The following ZNF704 variants were observed in gnomAD, a reference collection of about 807,000 sequenced individuals.
ZNF704 encodes glucocorticoid induced gene 1.
A neutral mutation model predicts 44.7 loss-of-function variants in ZNF704; 10 were observed. The observed-to-expected ratio is 0.22, with a 90% CI of 0.14 to 0.38. ZNF704 has a LOEUF of 0.38. Among genes scored for constraint, ZNF704 ranks in the 10% least tolerant of loss-of-function variants. ZNF704 has a pLI of 1.00. For synonymous variants in ZNF704, 211 were observed against 207.6 expected (o/e 1.02, Z -0.14); for missense variants, 390 against 545.5 (o/e 0.71, Z 2.84).
chr8:80,797,364 G>A (rs190832597), intron 2 of ZNF704, among the ~76,000 whole-genome samples: 1 of 152,298 alleles, frequency 6.6e-6, no homozygotes, highest in Non-Finnish European at 1.5e-5. Context: ...GGGGCTCTCT[G>A]CAGTGGCTCC....
intron 2 of ZNF704, among the ~76,000 whole-genome samples, chr8:80,697,783 C>T (rs7817218): frequency 0.072 from 10,972 of 152,274 alleles, 1,336 homozygotes; most frequent in African/African-American, 0.25. Flanking sequence ...ACATCCATAG[C>T]GTGTGTCCTC....
intron 2 of ZNF704, among the ~76,000 whole-genome samples, chr8:80,753,785 C>A (rs1199509740): frequency 6.6e-6 from 1 of 152,142 alleles, no homozygotes; most frequent in Non-Finnish European, 1.5e-5. Context: ...CATGCAGTAA[C>A]CCCTGAGAAA....
rs139453932 is a variant in ZNF704, at chr8:80,755,907, ACCAGC to A, written c.222-62805_222-62801del. Among the ~76,000 whole-genome samples the A allele has an allele frequency of 4.6e-3, 700 of 152,126 alleles. 4 individuals carry two copies. The highest frequency in any genetic ancestry group is 0.015 in the African/African-American group (641 of 41,476). Reference sequence around the variant, plus strand: ...GATCACTTGAACTCAGAAGTTCAGTACCAGCCTGGGCAACACTCAAGACCCCATCT... The same window carrying A: ...GATCACTTGAACTCAGAAGTTCAGTACTGGGCAACACTCAAGACCCCATCT... On this transcript the variant is annotated intron_variant, in intron 2 of 8. Coordinates refer to ENST00000327835, the MANE Select transcript of ZNF704 (RefSeq NM_001033723.3).
intron 1 of ZNF704, among the ~76,000 whole-genome samples, chr8:80,865,962 C>T (rs911882434): frequency 6.6e-6 from 1 of 152,116 alleles, no homozygotes; most frequent in Non-Finnish European, 1.5e-5. Context: ...CTGTATCTTC[C>T]ATGAAGTATA....
chr8:80,785,507 AT>A (rs1277350091), intron 2 of ZNF704, among the ~76,000 whole-genome samples: 1 of 152,074 alleles, frequency 6.6e-6, no homozygotes, highest in African/African-American at 2.4e-5. Context: ...TGACTTACCC[AT>A]TTTTTCCTCT....
intron 2 of ZNF704, among the ~76,000 whole-genome samples, chr8:80,713,387 G>A (rs7834675): frequency 0.07 from 10,625 of 152,126 alleles, 1,224 homozygotes; most frequent in African/African-American, 0.24. Context: ...TGGTAACTGC[G>A]GCTCGAATTA....
intron 2 of ZNF704, among the ~76,000 whole-genome samples, chr8:80,697,001 A>T (rs1358615892): frequency 6.6e-6 from 1 of 152,188 alleles, no homozygotes; most frequent in Non-Finnish European, 1.5e-5. Flanking sequence ...AATGAGAGAT[A>T]CTCAATCTGT....
At chr8:80,758,269 G>A (rs147924324) in intron 2 of ZNF704, among the ~76,000 whole-genome samples, 1 of 152,276 alleles carries the variant, frequency 6.6e-6, no homozygotes, top group African/African-American at 2.4e-5. Context: ...ATTAAAAGCT[G>A]GCTCTCAACC....
intron 1 of ZNF704, among the ~76,000 whole-genome samples, chr8:80,843,328 G>A (rs1422770052): frequency 2.6e-5 from 4 of 152,180 alleles, no homozygotes; most frequent in Non-Finnish European, 2.9e-5. Flanking sequence ...AGACTTGGCT[G>A]GCAGCCAAAC....
intron 3 of ZNF704, among the ~76,000 whole-genome samples, chr8:80,691,690 C>T (rs1333925624): frequency 6.6e-6 from 1 of 152,212 alleles, no homozygotes; most frequent in Non-Finnish European, 1.5e-5. Flanking sequence ...TCTGTACCTT[C>T]AGCCCAGATC....
chr8:80,670,668 T>C (rs1413267938), intron 4 of ZNF704, 65 bp from the exon 5 acceptor site: 3 of 1,174,378 alleles, frequency 2.6e-6, no homozygotes, highest in Non-Finnish European at 3.8e-6. Flanking sequence ...CTTTATGTCA[T>C]CCCAACATAT....
intron 1 of ZNF704, among the ~76,000 whole-genome samples, chr8:80,839,671 C>T (rs778495455): frequency 1.3e-5 from 2 of 152,184 alleles, no homozygotes; most frequent in Non-Finnish European, 2.9e-5. Context: ...AACACTGAGG[C>T]TTTCATAAGA....
intron 2 of ZNF704, among the ~76,000 whole-genome samples, chr8:80,791,208 A>G (rs892342164): frequency 6.6e-6 from 1 of 152,342 alleles, no homozygotes; most frequent in Admixed American, 6.5e-5. Context: ...TTCCAGGCAC[A>G]AGCCTACTTT....
intron 7 of ZNF704, chr8:80,645,124 ACTC>A (rs939110053): frequency 6.2e-7 from 1 of 1,607,844 alleles, no homozygotes; most frequent in African/African-American, 1.3e-5. Flanking sequence ...CGATACTCAA[ACTC>A]CTCGTCGTCG....
At chr8:80,766,439 C>G (rs539433416) in intron 2 of ZNF704, among the ~76,000 whole-genome samples, 1 of 152,228 alleles carries the variant, frequency 6.6e-6, no homozygotes, top group Non-Finnish European at 1.5e-5. Context: ...CTAGCTGCAC[C>G]CCTGTCCTTT....
At chr8:80,707,643 T>C (rs1464290965) in intron 2 of ZNF704, among the ~76,000 whole-genome samples, 1 of 152,254 alleles carries the variant, frequency 6.6e-6, no homozygotes, top group Non-Finnish European at 1.5e-5. Flanking sequence ...AGCCTGATAT[T>C]TGTGCTAATT....
intron 2 of ZNF704, among the ~76,000 whole-genome samples, chr8:80,713,562 C>T (rs1819026122): frequency 6.6e-6 from 1 of 152,152 alleles, no homozygotes; most frequent in African/African-American, 2.4e-5. Flanking sequence ...AAATTCGTAT[C>T]AGGCAACTTG....
chr8:80,696,630 C>T (rs1399675243), intron 2 of ZNF704, among the ~76,000 whole-genome samples: 2 of 152,194 alleles, frequency 1.3e-5, no homozygotes, highest in African/African-American at 2.4e-5. Flanking sequence ...GTTGACCACG[C>T]TGGTCTCAAA....
chr8:80,748,247 T>C (rs1173506188), intron 2 of ZNF704, among the ~76,000 whole-genome samples: 2 of 151,282 alleles, frequency 1.3e-5, no homozygotes, highest in African/African-American at 4.9e-5. Flanking sequence ...ATCATTGGTA[T>C]ATCTAATAAA....
Sources: allele counts gnomAD v4.1 joint callset (sites outside exome capture counted in the v4.1 genomes callset), GRCh38; gene constraint gnomAD v4.1.1; transcripts MANE v1.5; gene names NCBI Gene and HGNC (gene_info 2026-07-23, HGNC 2026-07-21).